The following PIGK variants were observed in gnomAD, a reference collection of about 807,000 sequenced individuals.
PIGK encodes the protein phosphatidylinositol glycan anchor biosynthesis class K.
In PIGK, 42 loss-of-function variants were observed where a neutral mutation model predicts 50.6. The ratio of observed to expected loss-of-function variants is 0.83; its 90% CI spans 0.65 to 1.07. The LOEUF is 1.07. Among genes scored for constraint, PIGK ranks in the 50% least tolerant of loss-of-function variants. The pLI, the probability that PIGK is intolerant of heterozygous loss-of-function variation, is 0.00. For missense variants in PIGK, 448 were observed against 488.7 expected (o/e 0.92, Z 0.78); for synonymous variants, 151 against 156.0 (o/e 0.97, Z 0.24).
At chr1:77,190,109 C>T (rs991596677) in intron 3 of PIGK, among the ~76,000 whole-genome samples, 43 of 151,802 alleles carry the variant, frequency 2.8e-4, no homozygotes, top group African/African-American at 8.7e-4. Flanking sequence ...ATTTAATAGC[C>T]GGGCATAGTG....
intron 10 of PIGK, among the ~76,000 whole-genome samples, chr1:77,101,581 A>G (rs1168223695): frequency 1.3e-5 from 2 of 152,238 alleles, no homozygotes; most frequent in Non-Finnish European, 2.9e-5. Context: ...AAATACTCAA[A>G]TATAAACATC....
chr1:77,189,740 TATATATATAC>T (rs1380382087), intron 3 of PIGK, among the ~76,000 whole-genome samples: 17 of 33,242 alleles, frequency 5.1e-4, no homozygotes, highest in African/African-American at 1.4e-3. Flanking sequence ...TATATATATA[TATATATATAC>T]ACACACACAC....
intron 10 of PIGK, among the ~76,000 whole-genome samples, chr1:77,115,143 A>T (rs1188742926): frequency 1.3e-5 from 2 of 152,238 alleles, no homozygotes; most frequent in Admixed American, 6.5e-5. Flanking sequence ...CAACATGAAG[A>T]GTAATGATAA....
intron 1 of PIGK, among the ~76,000 whole-genome samples, chr1:77,219,100 C>T (rs1656657801): frequency 6.6e-6 from 1 of 152,158 alleles, no homozygotes; most frequent in Non-Finnish European, 1.5e-5. Context: ...CCTCTGTCTC[C>T]GAGGGTTTGA....
chr1:77,167,846 C>A (rs889264695), intron 4 of PIGK, among the ~76,000 whole-genome samples: 15 of 152,148 alleles, frequency 9.9e-5, no homozygotes, highest in Non-Finnish European at 2.1e-4. Context: ...TACATTATTG[C>A]AGCTAATCTG....
At chr1:77,179,788 T>C (rs576537528) in intron 3 of PIGK, among the ~76,000 whole-genome samples, 3 of 152,346 alleles carry the variant, frequency 2.0e-5, no homozygotes, top group South Asian at 4.1e-4. Flanking sequence ...TGTCTGTTCA[T>C]AAAAGTATGT....
chr1:77,154,865 C>T (rs997232231), intron 8 of PIGK, among the ~76,000 whole-genome samples: 1 of 152,188 alleles, frequency 6.6e-6, no homozygotes, highest in Admixed American at 6.5e-5. Context: ...AAAAGGCATA[C>T]TCACTTTCTT....
intron 3 of PIGK, among the ~76,000 whole-genome samples, chr1:77,178,877 A>T (rs1187521160): frequency 6.6e-6 from 1 of 152,232 alleles, no homozygotes; most frequent in Non-Finnish European, 1.5e-5. Flanking sequence ...CTGAGACCAG[A>T]AACCCAAAAT....
At position 77,092,349 on chromosome 1, in the gene PIGK, A is replaced by C. The variant is rs1252373253; in HGVS notation, c.*25T>G. The C allele has an allele frequency of 1.0e-6, 1 of 992,766 alleles. No individual in the cohort carries two copies. Among genetic ancestry groups the C allele is most frequent in the East Asian group, 2.4e-5 (1 of 40,896 alleles). The allele number at this position is 992,766 out of a possible 1,614,324, so 61.5% of individuals were successfully genotyped here. ...TTATTATCCAAGTTTGCAGTCCTCC[A>C]TGCATTCTTCATTCATCATCAAGTC... is the stretch of plus-strand genomic sequence containing the variant. On this transcript the variant is annotated 3_prime_UTR_variant, in exon 11 of 11. Coordinates refer to ENST00000370812, the MANE Select transcript of PIGK (RefSeq NM_005482.3).
chr1:77,189,004 G>A (rs546543582), intron 3 of PIGK, among the ~76,000 whole-genome samples: 1 of 152,318 alleles, frequency 6.6e-6, no homozygotes, highest in African/African-American at 2.4e-5. Context: ...ATTGTCATGA[G>A]TATTTCCTCC....
intron 3 of PIGK, among the ~76,000 whole-genome samples, chr1:77,179,181 C>T (rs1570244780): frequency 6.6e-6 from 1 of 152,180 alleles, no homozygotes; most frequent in Non-Finnish European, 1.5e-5. Flanking sequence ...GTCCTTGGTC[C>T]TACCTTTGCA....
intron 1 of PIGK, among the ~76,000 whole-genome samples, chr1:77,218,393 T>C (rs567281838): frequency 1.6e-3 from 247 of 152,214 alleles, no homozygotes; most frequent in African/African-American, 5.8e-3. Flanking sequence ...ATTAAGTCAG[T>C]GGAACTGGAG....
At chr1:77,171,309 C>CAG (rs1468995312) in intron 3 of PIGK, among the ~76,000 whole-genome samples, 3 of 151,148 alleles carry the variant, frequency 2.0e-5, no homozygotes, top group African/African-American at 7.3e-5. Flanking sequence ...TGGTGGCAGG[C>CAG]GCCTGTAGTC....
intron 10 of PIGK, among the ~76,000 whole-genome samples, chr1:77,099,109 CTA>C (rs1653486700): frequency 6.6e-6 from 1 of 152,004 alleles, no homozygotes; most frequent in African/African-American, 2.4e-5. Flanking sequence ...AGGAAGGAAT[CTA>C]TAGTCACATA....
intron 3 of PIGK, among the ~76,000 whole-genome samples, chr1:77,192,613 A>T (rs1052854919): frequency 2.0e-4 from 30 of 152,142 alleles, no homozygotes; most frequent in African/African-American, 6.8e-4. Context: ...TGACTTGTGA[A>T]CACATATTTT....
intron 10 of PIGK, among the ~76,000 whole-genome samples, chr1:77,098,771 T>C (rs560362803): frequency 9.9e-5 from 15 of 152,200 alleles, no homozygotes; most frequent in African/African-American, 3.4e-4. Context: ...CTCCCGCAAA[T>C]CAGTAAGACA....
chr1:77,191,756 T>C (rs889764027), intron 3 of PIGK, among the ~76,000 whole-genome samples: 2 of 152,232 alleles, frequency 1.3e-5, no homozygotes, highest in East Asian at 1.9e-4. Flanking sequence ...CCAGGCACAG[T>C]GGCTCATGCC....
chr1:77,214,852 C>G (rs1314965441), intron 1 of PIGK, among the ~76,000 whole-genome samples: 1 of 152,028 alleles, frequency 6.6e-6, no homozygotes, highest in Non-Finnish European at 1.5e-5. Flanking sequence ...TTTCTATATA[C>G]CAATAATGAA....
At chr1:77,188,709 C>T (rs1221454798) in intron 3 of PIGK, among the ~76,000 whole-genome samples, 5 of 152,184 alleles carry the variant, frequency 3.3e-5, no homozygotes, top group Non-Finnish European at 5.9e-5. Flanking sequence ...TGGGGCATCA[C>T]GGATCCTACC....
Sources: gnomAD v4.1 joint callset for allele counts (sites outside exome capture counted in the v4.1 genomes callset) on GRCh38, gnomAD v4.1.1 for gene constraint, MANE v1.5 for transcripts, NCBI Gene and HGNC (gene_info 2026-07-23, HGNC 2026-07-21) for gene names.